The following BMPR1B variants were observed in gnomAD, a reference collection of about 807,000 sequenced individuals.
The protein encoded by BMPR1B is bone morphogenetic protein receptor type 1B, also known as bone morphogenetic protein receptor type-1B.
BMPR1B carries 12 observed loss-of-function variants against 59.1 expected under a neutral mutation model. That is an observed-to-expected ratio of 0.20 (90% confidence interval 0.13 to 0.33). BMPR1B has a LOEUF of 0.33. Among genes scored for constraint, BMPR1B ranks in the 10% least tolerant of loss-of-function variants. BMPR1B has a pLI of 1.00. For synonymous variants in BMPR1B, 237 were observed against 207.3 expected, an observed-to-expected ratio of 1.14 and a Z score of -1.23; for missense variants, 550 against 610.9, an observed-to-expected ratio of 0.90 and a Z score of 1.05.
At chr4:94,815,348 AG>A (rs1333377804) in intron 1 of BMPR1B, among the ~76,000 whole-genome samples, 1 of 152,204 alleles carries the variant, frequency 6.6e-6, no homozygotes, top group Non-Finnish European at 1.5e-5. Flanking sequence ...ATGGATATTT[AG>A]ACTGTTATAA....
chr4:95,004,827 A>T lies in BMPR1B; in HGVS notation c.-18+8693A>T, dbSNP rs190672117. 8.5e-5 allele frequency among the ~76,000 whole-genome samples: 13 copies of T among 152,314 alleles called. No homozygotes were observed. In the East Asian group the frequency reaches 2.5e-3, roughly 29 times the overall value. On this transcript the variant is annotated intron_variant, in intron 3 of 12. Transcript: ENST00000515059. ...GAAAGAAAGCATGGTGACCTAGGAC[A>T]CAACGTTCTACTGAAATAATTCGCA...
At chr4:94,779,374 G>C (rs965477483) in intron 1 of BMPR1B, among the ~76,000 whole-genome samples, 2 of 151,946 alleles carry the variant, frequency 1.3e-5, no homozygotes, top group East Asian at 3.9e-4. Flanking sequence ...CCATAGGTCT[G>C]GTTTTTATTC....
intron 2 of BMPR1B, among the ~76,000 whole-genome samples, chr4:94,904,544 A>C (rs1174133410): frequency 1.3e-5 from 2 of 152,040 alleles, no homozygotes. Flanking sequence ...TAATTCAGCC[A>C]CCTCAGGTGA....
chr4:95,094,015 G>C (rs1369331160), intron 3 of BMPR1B, among the ~76,000 whole-genome samples: 1 of 151,910 alleles, frequency 6.6e-6, no homozygotes, highest in African/African-American at 2.4e-5. Flanking sequence ...ACTTAATTTG[G>C]CAATTATGTG....
At chr4:95,017,939 C>G (rs1048477043) in intron 3 of BMPR1B, among the ~76,000 whole-genome samples, 2 of 152,054 alleles carry the variant, frequency 1.3e-5, no homozygotes, top group Non-Finnish European at 2.9e-5. Flanking sequence ...AATGGGTAAA[C>G]AAATTCGGAA....
chr4:94,849,215 T>C (rs1578717524), intron 1 of BMPR1B, among the ~76,000 whole-genome samples: 1 of 151,996 alleles, frequency 6.6e-6, no homozygotes, highest in South Asian at 2.1e-4. Flanking sequence ...AAAAGCAAGG[T>C]GTAGGGAAAT....
At chr4:95,150,193 C>A (rs1034069214) in intron 11 of BMPR1B, among the ~76,000 whole-genome samples, 6 of 152,142 alleles carry the variant, frequency 3.9e-5, no homozygotes, top group African/African-American at 1.2e-4. Context: ...AGTGAGGGAA[C>A]TATTTTGTGC....
At chr4:94,962,042 A>ATTCTTTCT (rs35474278) in intron 2 of BMPR1B, among the ~76,000 whole-genome samples, 2 of 149,568 alleles carry the variant, frequency 1.3e-5, no homozygotes, top group African/African-American at 5.0e-5. Flanking sequence ...ACTAGATTTT[A>ATTCTTTCT]TTCTTTCTTT....
intron 1 of BMPR1B, among the ~76,000 whole-genome samples, chr4:94,779,679 G>A (rs888313781): frequency 2.6e-4 from 40 of 151,954 alleles, no homozygotes; most frequent in African/African-American, 8.4e-4. Context: ...AAAAATACAA[G>A]AAATTAGCCC....
chr4:95,070,297 G>GA (rs1014105430), intron 3 of BMPR1B, among the ~76,000 whole-genome samples: 2 of 152,124 alleles, frequency 1.3e-5, no homozygotes, highest in Non-Finnish European at 2.9e-5. Flanking sequence ...AAGGATTACA[G>GA]AAAAATATGG....
rs149698168 is a variant in BMPR1B at position 95,126,719 on chromosome 4, A to C, written c.585+1598A>C. On this transcript the variant is annotated intron_variant, in intron 8 of 12. Coordinates refer to ENST00000515059, the MANE Select transcript of BMPR1B (RefSeq NM_001203.3). Reference sequence around the variant, plus strand: ...TGGGAAGGAGGGTTCTATAAAACTCAGTTCAATAAAGAAAAAGTCTCTATT... The same window carrying C: ...TGGGAAGGAGGGTTCTATAAAACTCCGTTCAATAAAGAAAAAGTCTCTATT... Among the ~76,000 whole-genome samples, 1,076 of 152,268 alleles carry C rather than the reference A, an allele frequency of 7.1e-3. 8 individuals are homozygous for C. The highest frequency in any genetic ancestry group is 0.024 in the African/African-American group (1,001 of 41,560).
At chr4:95,020,318 G>A (rs1270047254) in intron 3 of BMPR1B, among the ~76,000 whole-genome samples, 1 of 152,188 alleles carries the variant, frequency 6.6e-6, no homozygotes, top group African/African-American at 2.4e-5. Context: ...AGTGGCTTAC[G>A]CCTGTAATCC....
chr4:95,074,673 G>A (rs916487250), intron 3 of BMPR1B, among the ~76,000 whole-genome samples: 1 of 151,962 alleles, frequency 6.6e-6, no homozygotes, highest in Non-Finnish European at 1.5e-5. Context: ...ACTTTCAAAA[G>A]CACAGTCTTT....
intron 2 of BMPR1B, among the ~76,000 whole-genome samples, chr4:94,941,904 C>A (rs1398770465): frequency 6.6e-6 from 1 of 152,210 alleles, no homozygotes; most frequent in Non-Finnish European, 1.5e-5. Flanking sequence ...AACAGGTGTT[C>A]TGCCAGCTGT....
intron 1 of BMPR1B, among the ~76,000 whole-genome samples, chr4:94,775,945 G>A (rs889541661): frequency 6.6e-6 from 1 of 152,028 alleles, no homozygotes; most frequent in Non-Finnish European, 1.5e-5. Context: ...TAAAAAATTA[G>A]CCGGGTGTGA....
intron 2 of BMPR1B, among the ~76,000 whole-genome samples, chr4:94,885,900 T>C (rs1057115739): frequency 1.3e-5 from 2 of 152,206 alleles, no homozygotes; most frequent in Non-Finnish European, 2.9e-5. Flanking sequence ...TGAAAGGATG[T>C]ACTTGGAACA....
intron 3 of BMPR1B, among the ~76,000 whole-genome samples, chr4:95,039,873 C>G (rs1212290347): frequency 6.6e-6 from 1 of 152,204 alleles, no homozygotes; most frequent in Non-Finnish European, 1.5e-5. Flanking sequence ...TTGGACACCC[C>G]TGGTAGCATG....
intron 1 of BMPR1B, among the ~76,000 whole-genome samples, chr4:94,816,024 C>G (rs1051997650): frequency 6.6e-6 from 1 of 152,088 alleles, no homozygotes; most frequent in African/African-American, 2.4e-5. Context: ...GTTATCTTGG[C>G]TTTGTGTAGT....
intron 3 of BMPR1B, among the ~76,000 whole-genome samples, chr4:95,038,167 A>G (rs1050563016): frequency 3.9e-5 from 6 of 152,166 alleles, no homozygotes; most frequent in African/African-American, 1.4e-4. Context: ...AGAGAAGAGC[A>G]TTTTAGGCAG....
Sources: gnomAD v4.1 joint callset for allele counts (sites outside exome capture counted in the v4.1 genomes callset) on GRCh38, gnomAD v4.1.1 for gene constraint, MANE v1.5 for transcripts, NCBI Gene and HGNC (gene_info 2026-07-23, HGNC 2026-07-21) for gene names.